The following CLIC6 variants were observed in gnomAD, a reference collection of about 807,000 sequenced individuals.
CLIC6 encodes the protein chloride intracellular channel protein 6.
Under a neutral mutation model 49.2 loss-of-function variants are expected in CLIC6, and 39 were observed. The ratio of observed to expected loss-of-function variants is 0.79; its 90% CI spans 0.61 to 1.04. CLIC6 has a LOEUF of 1.04. Ranked by LOEUF, CLIC6 falls within the 50% of genes least tolerant of loss-of-function variation. CLIC6 has a pLI of 0.00. For missense variants in CLIC6, 988 were observed against 993.1 expected, an observed-to-expected ratio of 0.99 and a Z score of 0.07; for synonymous variants, 446 against 433.4, an observed-to-expected ratio of 1.03 and a Z score of -0.36.
Position 34,669,528 on chromosome 21 carries a change from C to A in CLIC6, c.140C>A (p.Ala47Glu), listed in dbSNP as rs1377645119. The part of the protein sequence containing the change: ...EAEGPEGSEG[A>E]EEAPRGAAAV... ...GAAGGGCCGGAGGGGAGCGAGGGCG[C>A]AGAGGAGGCGCCGAGGGGCGCCGCC... Residue 47 changes from alanine to glutamate, a missense_variant, in exon 1 of 6, where the codon GCA (alanine) becomes GAA (glutamate). Coordinates refer to ENST00000349499, the MANE Select transcript of CLIC6 (RefSeq NM_053277.3). The A allele has an allele frequency of 4.8e-6, 6 of 1,243,468 alleles. No homozygotes were observed. Among genetic ancestry groups the A allele is most frequent in the Non-Finnish European group, 5.0e-6 (5 of 995,492 alleles). 77.0% of individuals were successfully genotyped at this position (1,243,468 alleles called of 1,614,324 possible).
intron 1 of CLIC6, among the ~76,000 whole-genome samples, chr21:34,688,221 G>A (rs1308707556): frequency 3.3e-5 from 5 of 152,158 alleles, no homozygotes; most frequent in African/African-American, 1.2e-4. Flanking sequence ...GAAAACGAGG[G>A]GACACAATAG....
Position 34,669,377 on chromosome 21 carries a change from G to T in CLIC6, c.-12G>T. 1 of 1,237,698 alleles carries T rather than the reference G, an allele frequency of 8.1e-7. No homozygotes were observed. Among genetic ancestry groups the T allele is most frequent in the South Asian group, 4.1e-5 (1 of 24,654 alleles). 76.7% of individuals were successfully genotyped at this position (1,237,698 alleles called of 1,614,324 possible). The stretch of plus-strand genomic sequence containing the variant: ...AGGAAGGAGTCCCGATCAAGGACAG[G>T]GATCTGCGGCCATGGCCGAGGCCGC... On this transcript the variant is annotated 5_prime_UTR_variant, in exon 1 of 6. Coordinates refer to ENST00000349499, the MANE Select transcript of CLIC6 (RefSeq NM_053277.3).
chr21:34,677,815 G>T (rs1369623722), intron 1 of CLIC6, among the ~76,000 whole-genome samples: 1 of 152,118 alleles, frequency 6.6e-6, no homozygotes, highest in East Asian at 1.9e-4. Context: ...TATGAGACTG[G>T]CGTATATATA....
At chr21:34,685,355 G>A (rs890128604) in intron 1 of CLIC6, among the ~76,000 whole-genome samples, 5 of 152,178 alleles carry the variant, frequency 3.3e-5, no homozygotes, top group South Asian at 2.1e-4. Context: ...TGTCCAAGAC[G>A]TCGGCACATC....
At chr21:34,684,617 G>C (rs1477524989) in intron 1 of CLIC6, among the ~76,000 whole-genome samples, 1 of 152,184 alleles carries the variant, frequency 6.6e-6, no homozygotes, top group Non-Finnish European at 1.5e-5. Flanking sequence ...CAGCCAGATT[G>C]TGTTTACAGA....
chr21:34,684,485 A>G (rs1989838659), intron 1 of CLIC6, among the ~76,000 whole-genome samples: 1 of 152,258 alleles, frequency 6.6e-6, no homozygotes, highest in Non-Finnish European at 1.5e-5. Flanking sequence ...TGGATGTATG[A>G]ATGACAGCCA....
chr21:34,701,086 A>C (rs992015819), intron 1 of CLIC6, among the ~76,000 whole-genome samples: 3 of 141,122 alleles, frequency 2.1e-5, no homozygotes, highest in Non-Finnish European at 4.6e-5. Context: ...GTGGATCATG[A>C]GGTCAGGAGA....
At chr21:34,713,148 G>A (rs1166465282) in intron 5 of CLIC6, among the ~76,000 whole-genome samples, 1 of 152,156 alleles carries the variant, frequency 6.6e-6, no homozygotes. Context: ...AAAGAAGGGG[G>A]TGGGGGGAGG....
chr21:34,705,501 A>C (rs939466363), intron 1 of CLIC6, among the ~76,000 whole-genome samples: 8 of 151,990 alleles, frequency 5.3e-5, no homozygotes, highest in African/African-American at 1.9e-4. Flanking sequence ...TCCACCTTCC[A>C]CCCTTCAGGC....
chr21:34,673,575 G>A (rs1339716192), intron 1 of CLIC6, among the ~76,000 whole-genome samples: 1 of 152,206 alleles, frequency 6.6e-6, no homozygotes, highest in Non-Finnish European at 1.5e-5. Flanking sequence ...ACAGGCTTGA[G>A]CCACCACACC....
intron 5 of CLIC6, among the ~76,000 whole-genome samples, chr21:34,713,255 C>A (rs1170646073): frequency 2.0e-5 from 3 of 152,112 alleles, no homozygotes; most frequent in Admixed American, 2.0e-4. Flanking sequence ...ACGTTTCTTA[C>A]AGAAATTTTT....
At chr21:34,677,004 A>G (rs918300142) in intron 1 of CLIC6, among the ~76,000 whole-genome samples, 1 of 151,896 alleles carries the variant, frequency 6.6e-6, no homozygotes, top group Non-Finnish European at 1.5e-5. Context: ...TCTTCACAAT[A>G]TAGAGAGTTT....
At position 34,708,065 on chromosome 21, in the gene CLIC6, C is replaced by T; in HGVS notation, c.1606C>T (p.Pro536Ser). ...EEFLEEKLAP[P>S]RYPKLGTQHP... ...GTTCTTAGAGGAGAAATTAGCTCCC[C>T]CGAGGTAGGCCTCAGAAAACCAGTG... The change falls in exon 3 of 6, where the codon CCG becomes TCG. Residue 536 changes from proline (P) to serine (S), a missense_variant. By Grantham distance (74) the Pro-to-Ser change is moderately conservative (BLOSUM62 -1). Transcript: ENST00000349499. 6.2e-7 allele frequency: 1 copy of T among 1,614,090 alleles called. No individual in the cohort carries two copies. The highest frequency in any genetic ancestry group is 8.5e-7 in the Non-Finnish European group (1 of 1,179,972).
intron 5 of CLIC6, among the ~76,000 whole-genome samples, chr21:34,713,407 T>A (rs2075056404): frequency 6.6e-6 from 1 of 151,774 alleles, no homozygotes; most frequent in Admixed American, 6.6e-5. Flanking sequence ...TAAAGACAAA[T>A]AAAAGAACTG....
chr21:34,678,933 A>C (rs1989724899), intron 1 of CLIC6, among the ~76,000 whole-genome samples: 1 of 152,236 alleles, frequency 6.6e-6, no homozygotes, highest in African/African-American at 2.4e-5. Flanking sequence ...GAGATATTCT[A>C]TGCAAGTTCA....
At chr21:34,713,600 G>T (rs149611585) in intron 5 of CLIC6, among the ~76,000 whole-genome samples, 10 of 150,274 alleles carry the variant, frequency 6.7e-5, no homozygotes, top group Middle Eastern at 3.4e-3. Context: ...AAGTGGGGAA[G>T]AATAAAAAAG....
intron 1 of CLIC6, among the ~76,000 whole-genome samples, chr21:34,674,553 G>T (rs1192767631): frequency 6.6e-6 from 1 of 152,026 alleles, no homozygotes; most frequent in Non-Finnish European, 1.5e-5. Flanking sequence ...TTATTAATTT[G>T]TCAGTTTGTT....
intron 1 of CLIC6, among the ~76,000 whole-genome samples, chr21:34,706,545 A>G (rs2056015975): frequency 6.6e-6 from 1 of 152,198 alleles, no homozygotes; most frequent in South Asian, 2.1e-4. Flanking sequence ...AGATCAAGAC[A>G]TAGAACAACA....
rs905070175 is a variant in CLIC6, at chr21:34,700,363, C to A, written c.1375-6917C>A. On this transcript the variant is annotated intron_variant, in intron 1 of 5. Transcript: ENST00000349499. ...TCCGGAGGCTGAGGCAGGAGAATGG[C>A]GTGAACCCGGGAGGCGGAGCTTGCA... is the stretch of plus-strand genomic sequence containing the variant. Among the ~76,000 whole-genome samples, 3 of 133,500 alleles carry A rather than the reference C, an allele frequency of 2.2e-5. 1 individual carries two copies. The highest frequency in any genetic ancestry group is 4.7e-5 in the Non-Finnish European group (3 of 63,162). The allele number at this position is 133,500 out of a possible 152,430, so 87.6% of individuals were successfully genotyped here.
Sources: gnomAD v4.1 joint callset for allele counts (sites outside exome capture counted in the v4.1 genomes callset) on GRCh38, gnomAD v4.1.1 for gene constraint, MANE v1.5 for transcripts, NCBI Gene and HGNC (gene_info 2026-07-23, HGNC 2026-07-21) for gene names.